SNTG1: variants seen among roughly 807,000 people sequenced by gnomAD.
SNTG1 encodes syntrophin gamma 1, also known as gamma-1-syntrophin.
Under a neutral mutation model 74.7 loss-of-function variants are expected in SNTG1, and 39 were observed. The ratio of observed to expected loss-of-function variants is 0.52; its 90% CI spans 0.40 to 0.68. The LOEUF is 0.68. Ranked by LOEUF, SNTG1 falls within the 30% of genes least tolerant of loss-of-function variation. SNTG1 has a pLI of 0.00. For missense variants in SNTG1, 685 were observed against 609.5 expected, an observed-to-expected ratio of 1.12 and a Z score of -1.30; for synonymous variants, 254 against 217.1, an observed-to-expected ratio of 1.17 and a Z score of -1.49.
At chr8:50,490,581 G>A (rs967113881) in intron 8 of SNTG1, among the ~76,000 whole-genome samples, 4 of 152,194 alleles carry the variant, frequency 2.6e-5, no homozygotes, top group African/African-American at 7.2e-5. Flanking sequence ...TATTATTGGT[G>A]TACAGGAATG....
chr8:50,006,834 G>A (rs1390194944), intron 1 of SNTG1, among the ~76,000 whole-genome samples: 5 of 152,260 alleles, frequency 3.3e-5, no homozygotes, highest in East Asian at 1.9e-4. Flanking sequence ...GTCAAGCTAC[G>A]TCTGCCAGTT....
At chr8:50,351,224 T>C (rs1233200007) in intron 2 of SNTG1, among the ~76,000 whole-genome samples, 11 of 152,192 alleles carry the variant, frequency 7.2e-5, no homozygotes, top group Admixed American at 6.5e-5. Flanking sequence ...ATTAGGGTGT[T>C]GGAGTTTCTT....
intron 15 of SNTG1, among the ~76,000 whole-genome samples, chr8:50,691,556 T>C (rs2095379534): frequency 6.6e-6 from 1 of 152,220 alleles, no homozygotes; most frequent in Admixed American, 6.5e-5. Flanking sequence ...TTCTTTTCTT[T>C]AAGAATGTTG....
In SNTG1 at chr8:50,064,042, C is replaced by T. The variant is rs138301580; in HGVS notation, c.-102-108519C>T. On this transcript the variant is annotated intron_variant, in intron 1 of 18. Transcript: ENST00000642720. ...AGTAACCTTGTCATGACTCTGTCTT[C>T]TCATATGTAAAATGGTGACAATCGT... Among the ~76,000 whole-genome samples the T allele has an allele frequency of 3.5e-3, 535 of 152,248 alleles. 4 individuals carry two copies. The highest frequency in any genetic ancestry group is 0.012 in the African/African-American group (517 of 41,556).
At chr8:50,158,358 C>T (rs2082315032) in intron 1 of SNTG1, among the ~76,000 whole-genome samples, 1 of 152,066 alleles carries the variant, frequency 6.6e-6, no homozygotes, top group Admixed American at 6.6e-5. Context: ...AAAGTAGCTT[C>T]TTGGGTGGGT....
chr8:50,513,133 C>G (rs1367957305), intron 9 of SNTG1, among the ~76,000 whole-genome samples: 2 of 151,820 alleles, frequency 1.3e-5, no homozygotes, highest in Admixed American at 6.6e-5. Flanking sequence ...TTCCTTCTAA[C>G]AGTCAGAACC....
intron 2 of SNTG1, among the ~76,000 whole-genome samples, chr8:50,264,660 A>G (rs1222408997): frequency 6.6e-6 from 1 of 151,854 alleles, no homozygotes; most frequent in Non-Finnish European, 1.5e-5. Flanking sequence ...AAATGGAAAC[A>G]CATAAAAATA....
At chr8:50,542,286 G>A (rs1365354167) in intron 11 of SNTG1, among the ~76,000 whole-genome samples, 1 of 151,170 alleles carries the variant, frequency 6.6e-6, no homozygotes, top group African/African-American at 2.4e-5. Context: ...CTCCCGAGTA[G>A]CTGGGATTAC....
chr8:50,081,305 T>G (rs1822383604), intron 1 of SNTG1, among the ~76,000 whole-genome samples: 1 of 152,186 alleles, frequency 6.6e-6, no homozygotes, highest in Middle Eastern at 3.2e-3. Context: ...ATAATCATGT[T>G]GTATATGATT....
At chr8:49,934,999 G>A (rs1477672629) in intron 1 of SNTG1, among the ~76,000 whole-genome samples, 2 of 151,956 alleles carry the variant, frequency 1.3e-5, no homozygotes, top group East Asian at 1.9e-4. Context: ...ATAAATCAAT[G>A]CCAATGCTGA....
intron 1 of SNTG1, among the ~76,000 whole-genome samples, chr8:49,959,502 A>T (rs1051895165): frequency 1.3e-5 from 2 of 152,142 alleles, no homozygotes; most frequent in African/African-American, 4.8e-5. Flanking sequence ...GTCTGTATAG[A>T]TTTGCCTATT....
chr8:50,001,544 C>T (rs947766913), intron 1 of SNTG1, among the ~76,000 whole-genome samples: 1 of 152,220 alleles, frequency 6.6e-6, no homozygotes, highest in Non-Finnish European at 1.5e-5. Context: ...TTACATACCT[C>T]TGGCTCATTG....
chr8:50,140,487 G>T (rs968185474), intron 1 of SNTG1, among the ~76,000 whole-genome samples: 5 of 152,048 alleles, frequency 3.3e-5, no homozygotes, highest in African/African-American at 9.7e-5. Flanking sequence ...GTGTTTGCGA[G>T]AATGTGTGTG....
chr8:50,210,067 A>G (rs753000553), intron 2 of SNTG1, among the ~76,000 whole-genome samples: 18 of 152,198 alleles, frequency 1.2e-4, no homozygotes, highest in Non-Finnish European at 1.3e-4. Context: ...TGGCACGAGA[A>G]CTACGTGAAG....
chr8:50,791,315 T>A, intron 18 of SNTG1, among the ~76,000 whole-genome samples: 1 of 151,866 alleles, frequency 6.6e-6, no homozygotes. Flanking sequence ...GGTGGAAATA[T>A]CTAAGGGAAT....
intron 1 of SNTG1, among the ~76,000 whole-genome samples, chr8:49,970,119 C>G (rs992755292): frequency 6.6e-6 from 1 of 152,120 alleles, no homozygotes; most frequent in Non-Finnish European, 1.5e-5. Context: ...CTCTGGTTGG[C>G]CTCTTACTGC....
chr8:50,478,333 T>A (rs2093712760), intron 8 of SNTG1, among the ~76,000 whole-genome samples: 1 of 152,224 alleles, frequency 6.6e-6, no homozygotes, highest in Non-Finnish European at 1.5e-5. Flanking sequence ...GCTTTAGGAT[T>A]AATCTTGTAT....
At chr8:50,763,693 G>T (rs1303965220) in intron 18 of SNTG1, among the ~76,000 whole-genome samples, 2 of 103,232 alleles carry the variant, frequency 1.9e-5, no homozygotes, top group Non-Finnish European at 4.0e-5. Flanking sequence ...TGTGTGTGTG[G>T]TTTTAAGAGA....
At chr8:50,713,424 T>G (rs186275989) in intron 17 of SNTG1, among the ~76,000 whole-genome samples, 3 of 152,334 alleles carry the variant, frequency 2.0e-5, no homozygotes, top group African/African-American at 7.2e-5. Flanking sequence ...ATGGATAGAT[T>G]ACAAAAATTT....
Sources: allele counts gnomAD v4.1 joint callset (sites outside exome capture counted in the v4.1 genomes callset), GRCh38; gene constraint gnomAD v4.1.1; transcripts MANE v1.5; gene names NCBI Gene and HGNC (gene_info 2026-07-23, HGNC 2026-07-21).